The following TMC7 variants were observed in gnomAD, a reference collection of about 807,000 sequenced individuals.
TMC7 encodes transmembrane channel-like protein 7.
In TMC7, 54 loss-of-function variants were observed where a neutral mutation model predicts 82.9. The observed-to-expected ratio is 0.65, with a 90% CI of 0.52 to 0.82. TMC7 has a LOEUF of 0.82. Among genes scored for constraint, TMC7 ranks in the 40% least tolerant of loss-of-function variants. The probability of loss-of-function intolerance (pLI) is 0.00; values close to 1 mark genes in which losing one functional copy is unlikely to be tolerated. For synonymous variants in TMC7, 350 were observed against 337.9 expected, an observed-to-expected ratio of 1.04 and a Z score of -0.39; for missense variants, 820 against 901.2, an observed-to-expected ratio of 0.91 and a Z score of 1.15.
chr16:19,026,460 G>C lies in TMC7; in HGVS notation c.711+3265G>C, dbSNP rs565306803. ...CCACTGCACTCCAGCCTGGGCGACA[G>C]AGTGAGACTCCGTCTCAAAAAAAAA... is the stretch of plus-strand genomic sequence containing the variant. On this transcript the variant is annotated intron_variant, in intron 5 of 15. Coordinates refer to ENST00000304381, the MANE Select transcript of TMC7 (RefSeq NM_024847.4). Among the ~76,000 whole-genome samples, 43 of 149,770 alleles carry C rather than the reference G, an allele frequency of 2.9e-4. 1 individual carries two copies. Among genetic ancestry groups the C allele is most frequent in the Non-Finnish European group, 5.5e-4 (37 of 67,730 alleles).
chr16:19,033,633 C>T (rs2142246757), intron 6 of TMC7: 1 of 152,470 alleles, frequency 6.6e-6, no homozygotes, highest in Middle Eastern at 3.4e-3. Context: ...TGCAGTGAGC[C>T]ATGATCACAC....
intron 3 of TMC7, 118 bp downstream of exon 3, chr16:19,016,716 G>A (rs915286037): frequency 2.6e-6 from 3 of 1,147,896 alleles, no homozygotes; most frequent in Non-Finnish European, 3.6e-6. Context: ...CATGATGAAT[G>A]TGAGCAACAA....
At chr16:18,996,497 C>T (rs892576343) in intron 1 of TMC7, among the ~76,000 whole-genome samples, 4 of 152,178 alleles carry the variant, frequency 2.6e-5, no homozygotes, top group Admixed American at 6.6e-5. Flanking sequence ...AAGTGCCATT[C>T]TCTGGCCACT....
At chr16:18,999,918 C>T (rs1243651760) in intron 1 of TMC7, among the ~76,000 whole-genome samples, 1 of 152,050 alleles carries the variant, frequency 6.6e-6, no homozygotes, top group East Asian at 1.9e-4. Context: ...TGCCCGCCAC[C>T]ACGCCCTGCT....
chr16:18,992,399 T>C (rs989699491), intron 1 of TMC7, among the ~76,000 whole-genome samples: 29 of 152,240 alleles, frequency 1.9e-4, no homozygotes. Flanking sequence ...TGTCTTCTTT[T>C]GAGAAGTGTC....
chr16:19,023,081 T>A (rs1211895796), intron 4 of TMC7, 32 bp from the exon 5 acceptor site: 1 of 1,429,122 alleles, frequency 7.0e-7, no homozygotes, highest in Non-Finnish European at 9.8e-7. Flanking sequence ...TAAAACTGTT[T>A]CCACTGACAT....
chr16:19,048,467 G>A (rs1224522983), intron 12 of TMC7, among the ~76,000 whole-genome samples: 1 of 152,016 alleles, frequency 6.6e-6, no homozygotes, highest in African/African-American at 2.4e-5. Context: ...TGTTGCCCAG[G>A]TTGGAGTGCA....
chr16:19,014,054 G>A (rs886612646), intron 2 of TMC7, among the ~76,000 whole-genome samples: 1 of 151,394 alleles, frequency 6.6e-6, no homozygotes, highest in East Asian at 2.0e-4. Flanking sequence ...TTTTAGTAGA[G>A]ATGGGGTTTC....
chr16:19,051,873 T>A, intron 13 of TMC7, 57 bp downstream of exon 13: 1 of 1,601,264 alleles, frequency 6.2e-7, no homozygotes, highest in Non-Finnish European at 8.5e-7. Flanking sequence ...CTTCCTCTTT[T>A]ATGTAAAAGC....
At position 19,057,001 on chromosome 16, in the gene TMC7, T is replaced by C. The variant is rs376639495; in HGVS notation, c.2027+304T>C. Among the ~76,000 whole-genome samples the C allele has an allele frequency of 1.3e-4, 20 of 151,964 alleles. No individual in the cohort carries two copies. The East Asian group carries it at 2.9e-3, about 22-fold the overall frequency. On this transcript the variant is annotated intron_variant, in intron 14 of 15. Coordinates refer to ENST00000304381, the MANE Select transcript of TMC7 (RefSeq NM_024847.4). ...ATAAGTAACAAAAATTAGCTGGGCA[T>C]GGTGGTGCATGCCTGTAATGCCAGC...
At chr16:19,040,522 C>T (rs553212676) in intron 9 of TMC7, 76 bp downstream of exon 9, 23 of 1,369,730 alleles carry the variant, frequency 1.7e-5, no homozygotes, top group African/African-American at 1.0e-4. Flanking sequence ...TGGCAGACAT[C>T]GCTAATCAAT....
intron 9 of TMC7, 101 bp from the exon 10 acceptor site, chr16:19,044,768 CAAAAAAAAAAAAAAA>C: frequency 3.4e-6 from 1 of 292,008 alleles, no homozygotes; most frequent in East Asian, 6.7e-5. Flanking sequence ...CACTCCATCT[CAAAAAAAAAAAAAAA>C]AAAAAAAAAA....
intron 13 of TMC7, among the ~76,000 whole-genome samples, chr16:19,053,405 AT>A (rs960071510): frequency 2.8e-5 from 4 of 141,688 alleles, no homozygotes; most frequent in Non-Finnish European, 6.2e-5. Flanking sequence ...TTTAGCTTTG[AT>A]TTTTTTTTCT....
intron 2 of TMC7, among the ~76,000 whole-genome samples, chr16:19,011,710 C>A (rs961818515): frequency 7.9e-5 from 12 of 151,846 alleles, no homozygotes; most frequent in Non-Finnish European, 1.8e-4. Context: ...AGAGTAAGAC[C>A]CTGTCTCTAT....
chr16:19,055,837 C>T (rs1400844439), intron 13 of TMC7, among the ~76,000 whole-genome samples: 2 of 152,172 alleles, frequency 1.3e-5, no homozygotes, highest in Admixed American at 1.3e-4. Context: ...TTAAGCCCAG[C>T]ATACGTTAGC....
intron 2 of TMC7, 83 bp from the exon 3 acceptor site, chr16:19,016,367 G>T: frequency 2.6e-6 from 4 of 1,558,258 alleles, no homozygotes; most frequent in Non-Finnish European, 3.5e-6. Flanking sequence ...TGGGATTACA[G>T]GCGTGAGCTA....
At chr16:19,045,469 C>A in intron 11 of TMC7, 31 bp downstream of exon 11, 1 of 1,463,888 alleles carries the variant, frequency 6.8e-7, no homozygotes, top group Non-Finnish European at 9.6e-7. Context: ...TATTATCCCC[C>A]CCACCACACA....
intron 1 of TMC7, among the ~76,000 whole-genome samples, chr16:18,986,050 G>A (rs375873724): frequency 2.0e-5 from 3 of 151,112 alleles, no homozygotes; most frequent in African/African-American, 7.3e-5. Flanking sequence ...AAAAGAAGAG[G>A]TATGTATCCT....
chr16:19,049,303 T>C (rs1349601084), intron 12 of TMC7, among the ~76,000 whole-genome samples: 2 of 151,984 alleles, frequency 1.3e-5, no homozygotes, highest in Non-Finnish European at 1.5e-5. Context: ...GGATTACAGG[T>C]GTGAGCCACT....
Sources: allele counts gnomAD v4.1 joint callset (sites outside exome capture counted in the v4.1 genomes callset), GRCh38; gene constraint gnomAD v4.1.1; transcripts MANE v1.5; gene names NCBI Gene and HGNC (gene_info 2026-07-23, HGNC 2026-07-21).